The following MEF2A variants were observed in gnomAD, a reference collection of about 807,000 sequenced individuals.
MEF2A encodes the protein myocyte enhancer factor 2A, also known as myocyte-specific enhancer factor 2A.
A neutral mutation model predicts 55.8 loss-of-function variants in MEF2A; 28 were observed. That is an observed-to-expected ratio of 0.50 (90% CI 0.37 to 0.69). The LOEUF (loss-of-function observed/expected upper bound fraction) is 0.69. Ranked by LOEUF, MEF2A falls within the 30% of genes least tolerant of loss-of-function variation. The pLI is 0.00. For synonymous variants in MEF2A, 239 were observed against 227.1 expected, an observed-to-expected ratio of 1.05 and a Z score of -0.47; for missense variants, 528 against 626.2, an observed-to-expected ratio of 0.84 and a Z score of 1.67.
At chr15:99,652,595 A>G (rs964469230) in intron 4 of MEF2A, among the ~76,000 whole-genome samples, 1 of 152,216 alleles carries the variant, frequency 6.6e-6, no homozygotes, top group African/African-American at 2.4e-5. Flanking sequence ...TCACTGTAGT[A>G]TACTGTGAAG....
At chr15:99,678,712 A>G (rs952585223) in intron 7 of MEF2A, 1 of 976,362 alleles carries the variant, frequency 1.0e-6, no homozygotes, top group African/African-American at 1.8e-5. Flanking sequence ...AACTCAGGAA[A>G]GGCAAAGACT....
intron 1 of MEF2A, among the ~76,000 whole-genome samples, chr15:99,589,888 A>G (rs1388283671): frequency 3.9e-5 from 6 of 152,202 alleles, no homozygotes; most frequent in African/African-American, 1.2e-4. Flanking sequence ...GTTCTTATAA[A>G]TTCATGTGTC....
At chr15:99,671,648 TA>T in intron 5 of MEF2A, 194 bp downstream of exon 5, 1 of 1,580,930 alleles carries the variant, frequency 6.3e-7, no homozygotes, top group East Asian at 2.3e-5. Context: ...TGCGGAATCA[TA>T]AAATCGCAGT....
chr15:99,602,736 GT>G (rs1226186363), intron 2 of MEF2A, among the ~76,000 whole-genome samples: 1 of 89,190 alleles, frequency 1.1e-5, no homozygotes, highest in Non-Finnish European at 2.5e-5. Flanking sequence ...GTGTGGGGGG[GT>G]GGGGGTGGGG....
At chr15:99,658,914 C>T (rs1000235538) in intron 4 of MEF2A, among the ~76,000 whole-genome samples, 3 of 152,062 alleles carry the variant, frequency 2.0e-5, no homozygotes, top group African/African-American at 7.2e-5. Flanking sequence ...AAGCAGTCTT[C>T]ATCGAATGAC....
At chr15:99,624,723 G>A (rs1452415428) in intron 2 of MEF2A, among the ~76,000 whole-genome samples, 1 of 152,198 alleles carries the variant, frequency 6.6e-6, no homozygotes, top group East Asian at 1.9e-4. Flanking sequence ...TTGGGATTTA[G>A]TAGAGATTGC....
intron 1 of MEF2A, among the ~76,000 whole-genome samples, chr15:99,596,525 C>G (rs544000456): frequency 6.6e-6 from 1 of 152,132 alleles, no homozygotes; most frequent in Admixed American, 6.5e-5. Context: ...GTGTCCGTTT[C>G]CAAATAGAAA....
chr15:99,601,359 A>T (rs1051572120), intron 2 of MEF2A, among the ~76,000 whole-genome samples: 1 of 151,980 alleles, frequency 6.6e-6, no homozygotes, highest in African/African-American at 2.4e-5. Flanking sequence ...CTCCATTTAA[A>T]TTTATGCACC....
intron 7 of MEF2A, among the ~76,000 whole-genome samples, chr15:99,680,063 A>T (rs1448777191): frequency 4.6e-5 from 7 of 152,218 alleles, no homozygotes; most frequent in Non-Finnish European, 8.8e-5. Flanking sequence ...TCAAAATGCC[A>T]AGGTTGATGA....
intron 7 of MEF2A, among the ~76,000 whole-genome samples, chr15:99,687,257 A>G (rs1187764778): frequency 6.6e-6 from 1 of 151,850 alleles, no homozygotes; most frequent in Non-Finnish European, 1.5e-5. Context: ...CTCAGAATGC[A>G]GTCTTGTCAG....
rs71149484 is a variant in MEF2A, at chr15:99,687,084, C to CTTTTTTT, written c.671-3138_671-3132dup. Among the ~76,000 whole-genome samples, 162 of 67,760 alleles carry CTTTTTTT rather than the reference C, an allele frequency of 2.4e-3. 8 individuals are homozygous for CTTTTTTT. Among genetic ancestry groups the CTTTTTTT allele is most frequent in the Middle Eastern group, 0.013 (1 of 76 alleles). 44.5% of individuals were successfully genotyped at this position (67,760 alleles called of 152,430 possible). On this transcript the variant is annotated intron_variant, in intron 7 of 11. Coordinates refer to ENST00000557942, the MANE Select transcript of MEF2A (RefSeq NM_001319206.4). Reference sequence around the variant, plus strand: ...ACACCACCATGTCCTATTAATTTTTCTTTTTTTTTTTTTTTTTTTTTTTTT... The same window carrying CTTTTTTT: ...ACACCACCATGTCCTATTAATTTTTCTTTTTTTTTTTTTTTTTTTTTTTTTTTTTTTT...
intron 2 of MEF2A, among the ~76,000 whole-genome samples, chr15:99,626,225 A>T (rs1283542766): frequency 1.3e-5 from 2 of 152,044 alleles, no homozygotes; most frequent in Non-Finnish European, 2.9e-5. Context: ...TGTCCATTTT[A>T]TCTAGGTTAT....
At chr15:99,616,032 T>G (rs182089557) in intron 2 of MEF2A, among the ~76,000 whole-genome samples, 2 of 152,196 alleles carry the variant, frequency 1.3e-5, no homozygotes, top group East Asian at 3.9e-4. Context: ...TAAGAAAATT[T>G]CGCTGGGGAA....
chr15:99,659,235 C>T (rs921657713), intron 4 of MEF2A, among the ~76,000 whole-genome samples: 6 of 151,978 alleles, frequency 3.9e-5, no homozygotes, highest in African/African-American at 1.5e-4. Flanking sequence ...ATATCCAGCT[C>T]CTGGGAGACA....
chr15:99,688,709 A>C (rs2054776941), intron 7 of MEF2A, among the ~76,000 whole-genome samples: 1 of 152,204 alleles, frequency 6.6e-6, no homozygotes, highest in Admixed American at 6.5e-5. Context: ...GTGAGCCGAG[A>C]TCGCGCTGCT....
At chr15:99,681,145 A>G (rs1255513444) in intron 7 of MEF2A, among the ~76,000 whole-genome samples, 2 of 152,228 alleles carry the variant, frequency 1.3e-5, no homozygotes, top group Non-Finnish European at 1.5e-5. Flanking sequence ...TTCACTTTTT[A>G]AAAACACGTT....
chr15:99,607,686 G>T (rs1246381832), intron 2 of MEF2A, among the ~76,000 whole-genome samples: 1 of 152,110 alleles, frequency 6.6e-6, no homozygotes, highest in African/African-American at 2.4e-5. Context: ...GGTGGTAGAG[G>T]ATTAGAATCT....
chr15:99,679,279 T>C (rs1208560034), intron 7 of MEF2A, among the ~76,000 whole-genome samples: 1 of 152,240 alleles, frequency 6.6e-6, no homozygotes, highest in African/African-American at 2.4e-5. Context: ...TGTAAAAGAA[T>C]GTGTACAACA....
intron 4 of MEF2A, among the ~76,000 whole-genome samples, chr15:99,646,762 A>T (rs1324852143): frequency 1.3e-5 from 2 of 152,140 alleles, no homozygotes; most frequent in African/African-American, 4.8e-5. Context: ...AATGCATTTT[A>T]AATTTCCCCT....
Sources: allele counts gnomAD v4.1 joint callset (sites outside exome capture counted in the v4.1 genomes callset), GRCh38; gene constraint gnomAD v4.1.1; transcripts MANE v1.5; gene names NCBI Gene and HGNC (gene_info 2026-07-23, HGNC 2026-07-21).